TENM4: variants seen among roughly 807,000 people sequenced by gnomAD.
TENM4 encodes the protein teneurin transmembrane protein 4.
In TENM4, 82 loss-of-function variants were observed where a neutral mutation model predicts 243.3. The observed-to-expected ratio is 0.34, with a 90% confidence interval of 0.28 to 0.40. The LOEUF is 0.40. Among genes scored for constraint, TENM4 ranks in the 10% least tolerant of loss-of-function variants. The probability of loss-of-function intolerance (pLI) is 1.00; values close to 1 mark genes in which losing one functional copy is unlikely to be tolerated. For missense variants in TENM4, 3,138 were observed against 3,673.3 expected (o/e 0.85, Z 3.77); for synonymous variants, 1,412 against 1,456.3 (o/e 0.97, Z 0.69).
At chr11:79,328,812 G>T (rs979506688) in intron 1 of TENM4, among the ~76,000 whole-genome samples, 3 of 152,002 alleles carry the variant, frequency 2.0e-5, no homozygotes, top group Non-Finnish European at 4.4e-5. Flanking sequence ...GCACAGGTAG[G>T]TAACATAGCA....
At chr11:79,401,551 G>A (rs947344517) in intron 1 of TENM4, among the ~76,000 whole-genome samples, 19 of 152,208 alleles carry the variant, frequency 1.2e-4, no homozygotes, top group Non-Finnish European at 4.4e-5. Flanking sequence ...GCACAAGGGT[G>A]TCAGAAAAAG....
intron 7 of TENM4, among the ~76,000 whole-genome samples, chr11:78,894,382 C>G (rs879617224): frequency 2.0e-5 from 3 of 152,098 alleles, no homozygotes; most frequent in Admixed American, 1.3e-4. Flanking sequence ...AAAATACATT[C>G]AGAGAAAAAG....
intron 9 of TENM4, among the ~76,000 whole-genome samples, chr11:78,870,429 T>G (rs976405790): frequency 3.9e-5 from 6 of 152,206 alleles, no homozygotes; most frequent in Non-Finnish European, 5.9e-5. Context: ...ACTAGAGATA[T>G]TTGCCCAATA....
chr11:78,660,512 G>A lies in TENM4; in HGVS notation c.7551+937C>T, dbSNP rs565032408. Among the ~76,000 whole-genome samples the A allele has an allele frequency of 7.9e-5, 12 of 152,222 alleles. No individual in the cohort carries two copies. The East Asian group carries it at 9.7e-4, about 12-fold the overall frequency. ...ACAGGGGTGCAGAATCCCATTCTCC[G>A]GGGTCTGGTAGGAGATAGCTATGCT... On this transcript the variant is annotated intron_variant, in intron 33 of 33. Transcript: ENST00000278550.
At chr11:79,248,572 C>A (rs1855558726) in intron 2 of TENM4, among the ~76,000 whole-genome samples, 1 of 152,146 alleles carries the variant, frequency 6.6e-6, no homozygotes, top group South Asian at 2.1e-4. Context: ...AAAAATAAAA[C>A]TCTGTCCCAT....
At chr11:78,800,620 T>A (rs1051622307) in intron 15 of TENM4, among the ~76,000 whole-genome samples, 16 of 152,140 alleles carry the variant, frequency 1.1e-4, no homozygotes, top group Non-Finnish European at 2.2e-4. Context: ...GGGCTCTTTT[T>A]CTTTCTTTGA....
intron 4 of TENM4, among the ~76,000 whole-genome samples, chr11:79,138,430 TAA>T (rs1380366676): frequency 8.6e-6 from 1 of 115,856 alleles, no homozygotes; most frequent in East Asian, 2.3e-4. Flanking sequence ...ATATTATATA[TAA>T]ATATATATTA....
chr11:79,241,525 G>A (rs1311151058), intron 2 of TENM4, among the ~76,000 whole-genome samples: 1 of 152,184 alleles, frequency 6.6e-6, no homozygotes, highest in Non-Finnish European at 1.5e-5. Context: ...CCAGCAGAAG[G>A]AAGAATGTTT....
intron 6 of TENM4, among the ~76,000 whole-genome samples, chr11:78,976,179 A>G (rs1020123111): frequency 7.2e-5 from 11 of 152,264 alleles, no homozygotes; most frequent in African/African-American, 2.4e-4. Flanking sequence ...CATTTGCTCA[A>G]AGCTACAGAC....
intron 22 of TENM4, among the ~76,000 whole-genome samples, chr11:78,726,906 C>A (rs145052870): frequency 1.3e-5 from 2 of 152,138 alleles, no homozygotes; most frequent in African/African-American, 4.8e-5. Flanking sequence ...TATAACAACA[C>A]GAGAACGGAC....
chr11:79,286,887 G>C (rs185751478), intron 2 of TENM4, among the ~76,000 whole-genome samples: 1 of 152,212 alleles, frequency 6.6e-6, no homozygotes, highest in East Asian at 1.9e-4. Context: ...ATTTAGAGAG[G>C]AAAACAAACA....
intron 22 of TENM4, among the ~76,000 whole-genome samples, chr11:78,727,303 C>G (rs576232004): frequency 3.3e-5 from 5 of 151,782 alleles, no homozygotes; most frequent in Middle Eastern, 6.8e-3. Context: ...AAAAATTAGC[C>G]GGGTGTGGTG....
At chr11:78,770,951 C>T in intron 18 of TENM4, 41 bp downstream of exon 18, 1 of 1,558,048 alleles carries the variant, frequency 6.4e-7, no homozygotes. Context: ...GGCCTCCCAC[C>T]CTCTGGAGCC....
intron 28 of TENM4, among the ~76,000 whole-genome samples, chr11:78,698,291 A>C (rs954920134): frequency 6.6e-6 from 1 of 152,100 alleles, no homozygotes; most frequent in African/African-American, 2.4e-5. Context: ...AATCCCAGCT[A>C]TTCAGGAGGC....
intron 1 of TENM4, among the ~76,000 whole-genome samples, chr11:79,390,762 C>T (rs923511278): frequency 5.9e-5 from 9 of 152,194 alleles, no homozygotes; most frequent in African/African-American, 1.7e-4. Context: ...TGGCTCCAGG[C>T]CAATGTGTCC....
In TENM4 at chr11:79,001,024, C is replaced by G. The variant is rs1858309252; in HGVS notation, c.493+63714G>C. ...TCAGCCTGGGTGACAAATTGAGACT[C>G]CATCTCAAAAAAAGGAAAGTAGCAA... On this transcript the variant is annotated intron_variant, in intron 6 of 33. Transcript: ENST00000278550. Among the ~76,000 whole-genome samples, 5 of 152,060 alleles carry G rather than the reference C, an allele frequency of 3.3e-5. No individual in the cohort carries two copies. The South Asian group carries it at 1.0e-3, about 31-fold the overall frequency.
intron 25 of TENM4, among the ~76,000 whole-genome samples, chr11:78,717,494 A>G (rs1859548992): frequency 6.6e-6 from 1 of 152,246 alleles, no homozygotes; most frequent in African/African-American, 2.4e-5. Flanking sequence ...CACTTGGCTA[A>G]GTGACCCTGG....
intron 3 of TENM4, among the ~76,000 whole-genome samples, chr11:79,187,637 G>A (rs1017612528): frequency 1.3e-5 from 2 of 152,162 alleles, no homozygotes; most frequent in African/African-American, 4.8e-5. Flanking sequence ...CTATGTTGAA[G>A]TCCTAACCCC....
chr11:79,264,422 T>A (rs1855849531), intron 2 of TENM4, among the ~76,000 whole-genome samples: 1 of 152,224 alleles, frequency 6.6e-6, no homozygotes, highest in South Asian at 2.1e-4. Flanking sequence ...AGCCTGGCAA[T>A]CTTCCCAGAG....
Sources: gnomAD v4.1 joint callset for allele counts (sites outside exome capture counted in the v4.1 genomes callset) on GRCh38, gnomAD v4.1.1 for gene constraint, MANE v1.5 for transcripts, NCBI Gene and HGNC (gene_info 2026-07-23, HGNC 2026-07-21) for gene names.